Variants in AOAH observed in about 807,000 individuals in gnomAD.
The protein encoded by AOAH is acyloxyacyl hydrolase (neutrophil).
Under a neutral mutation model 92.2 loss-of-function variants are expected in AOAH, and 64 were observed. The ratio of observed to expected loss-of-function variants is 0.69; its 90% CI spans 0.57 to 0.86. AOAH has a LOEUF of 0.86. AOAH is among the 40% of genes least tolerant of loss of function. The pLI is 0.00. For synonymous variants in AOAH, 263 were observed against 254.5 expected, an observed-to-expected ratio of 1.03 and a Z score of -0.32; for missense variants, 656 against 694.6, an observed-to-expected ratio of 0.94 and a Z score of 0.62.
chr7:36,665,680 T>G (rs1795487552), intron 3 of AOAH, among the ~76,000 whole-genome samples: 1 of 152,144 alleles, frequency 6.6e-6, no homozygotes. Flanking sequence ...GTAGTCTTTT[T>G]GTAGATATTC....
At chr7:36,542,946 G>C (rs944361345) in intron 15 of AOAH, among the ~76,000 whole-genome samples, 10 of 152,106 alleles carry the variant, frequency 6.6e-5, no homozygotes, top group Non-Finnish European at 1.0e-4. Flanking sequence ...TAGAAAGATG[G>C]CTAAAAAGTA....
chr7:36,647,176 A>T (rs1256793675), intron 4 of AOAH, among the ~76,000 whole-genome samples: 1 of 152,254 alleles, frequency 6.6e-6, no homozygotes, highest in Non-Finnish European at 1.5e-5. Flanking sequence ...TTTTACAATT[A>T]TCGAATTACA....
chr7:36,625,180 G>T (rs1583974279), intron 6 of AOAH, among the ~76,000 whole-genome samples: 1 of 152,248 alleles, frequency 6.6e-6, no homozygotes, highest in East Asian at 1.9e-4. Context: ...GGGGAGGCTG[G>T]ATCCCTGAAA....
At position 36,522,112 on chromosome 7, in the gene AOAH, A is replaced by G. The variant is rs1784134929; in HGVS notation, c.1526T>C (p.Ile509Thr). 1 of 1,614,140 alleles carries G rather than the reference A, an allele frequency of 6.2e-7. No homozygotes were observed. Among genetic ancestry groups the G allele is most frequent in the Non-Finnish European group, 8.5e-7 (1 of 1,179,988 alleles). ...TCCGCCTCTCTTCTGCCACTCCTGTATGACTGCAGGGCACATAACGAGAGG... is the reference window on the plus strand; with the variant it reads ...TCCGCCTCTCTTCTGCCACTCCTGTGTGACTGCAGGGCACATAACGAGAGG... The part of the protein sequence containing the change: ...FYMDFAFHEI[I>T]QEWQKRGGQP... The change falls in exon 20 of 21, where the codon ATA becomes ACA. Residue 509 changes from isoleucine (I) to threonine (T), a missense_variant. Transcript: ENST00000617537.
intron 1 of AOAH, among the ~76,000 whole-genome samples, chr7:36,708,615 T>A (rs1027013506): frequency 6.6e-6 from 1 of 152,012 alleles, no homozygotes; most frequent in African/African-American, 2.4e-5. Context: ...TGTCTACTAA[T>A]TTTTTTTGTT....
At chr7:36,519,922 C>A (rs916133450) in intron 20 of AOAH, among the ~76,000 whole-genome samples, 5 of 152,230 alleles carry the variant, frequency 3.3e-5, no homozygotes, top group African/African-American at 1.2e-4. Context: ...CTGCACTTGA[C>A]ACTGGGTAGT....
In AOAH at chr7:36,623,185, C is replaced by T. The variant is rs753651026; in HGVS notation, c.582+5G>A. On this transcript the variant is annotated splice_donor_5th_base_variant and intron_variant, in intron 7 of 20. Coordinates refer to ENST00000617537, the MANE Select transcript of AOAH (RefSeq NM_001637.4). ...GAACATCTGGTTATTCCTAACAATA[C>T]TTACTGGGAAAACGCTGTATTTGTC... 5 of 1,612,748 alleles carry T rather than the reference C, an allele frequency of 3.1e-6. No individual in the cohort carries two copies. Among genetic ancestry groups the T allele is most frequent in the Middle Eastern group, 1.7e-4 (1 of 6,058 alleles).
rs376451697 is a variant in AOAH at position 36,594,320 on chromosome 7, G to C, written c.938+19C>G. ...ACACAGAGGTATTGAAATGTCTGAG[G>C]GTGCACAAAGACACTTACCCAACAG... is the stretch of plus-strand genomic sequence containing the variant. On this transcript the variant is annotated intron_variant, in intron 12 of 20. Transcript: ENST00000617537. 14 of 1,583,914 alleles carry C rather than the reference G, an allele frequency of 8.8e-6. No homozygotes were observed. The highest frequency in any genetic ancestry group is 1.2e-5 in the Non-Finnish European group (14 of 1,152,588).
chr7:36,631,245 G>A (rs965745556), intron 6 of AOAH, among the ~76,000 whole-genome samples: 7 of 152,002 alleles, frequency 4.6e-5, no homozygotes, highest in African/African-American at 1.7e-4. Context: ...TACTAGGGTG[G>A]CTGAGGCAGG....
At chr7:36,696,999 T>C (rs1269102716) in intron 1 of AOAH, among the ~76,000 whole-genome samples, 1 of 152,262 alleles carries the variant, frequency 6.6e-6, no homozygotes, top group Non-Finnish European at 1.5e-5. Context: ...AATACAGTTT[T>C]ACTTACTCCT....
chr7:36,633,013 G>A (rs2718189), intron 5 of AOAH, among the ~76,000 whole-genome samples: 92 of 152,360 alleles, frequency 6.0e-4, no homozygotes, highest in African/African-American at 2.1e-3. Context: ...CCGTGGAGTG[G>A]AGGGCAAGGG....
At chr7:36,515,408 A>G (rs1272277711) in intron 20 of AOAH, among the ~76,000 whole-genome samples, 2 of 99,608 alleles carry the variant, frequency 2.0e-5, no homozygotes, top group Non-Finnish European at 4.0e-5. Flanking sequence ...CCACACACAC[A>G]AACATCACAC....
In AOAH at chr7:36,532,165, C is replaced by CA; in HGVS notation, c.1406dup (p.Leu469PhefsTer23). The CA allele has an allele frequency of 6.2e-7, 1 of 1,614,206 alleles. No homozygotes were observed. The highest frequency in any genetic ancestry group is 1.1e-5 in the South Asian group (1 of 91,088). On this transcript the variant is annotated frameshift_variant, in exon 18 of 21. Transcript: ENST00000617537. LOFTEE classifies it high-confidence loss of function. ...GTCATACCTCTGAAGTGAGAGTCCG[C>CA]AACGTCTTGTTGGAAGACATCCAGC...
intron 11 of AOAH, among the ~76,000 whole-genome samples, chr7:36,608,762 C>T (rs973357065): frequency 6.6e-6 from 1 of 152,156 alleles, no homozygotes; most frequent in Admixed American, 6.5e-5. Flanking sequence ...GGTGGCCAGA[C>T]ATCCAGACTT....
At position 36,625,329 on chromosome 7, in the gene AOAH, C is replaced by T. The variant is rs536748816; in HGVS notation, c.522-2079G>A. ...CAGTTGGAGTCACTGCTCCATCCAC[C>T]GCTTCCTCACCAGCTCGGCAATTCT... On this transcript the variant is annotated intron_variant, in intron 6 of 20. Coordinates refer to ENST00000617537, the MANE Select transcript of AOAH (RefSeq NM_001637.4). Among the ~76,000 whole-genome samples, 8 of 152,298 alleles carry T rather than the reference C, an allele frequency of 5.3e-5. No individual in the cohort carries two copies. In the South Asian group the frequency reaches 1.5e-3, roughly 28 times the overall value.
intron 11 of AOAH, among the ~76,000 whole-genome samples, chr7:36,604,373 A>G (rs761234319): frequency 3.0e-4 from 46 of 152,226 alleles, no homozygotes; most frequent in Non-Finnish European, 5.7e-4. Context: ...TAGACTTTAC[A>G]TTTTTTGAGG....
intron 13 of AOAH, among the ~76,000 whole-genome samples, chr7:36,555,696 T>A (rs1424071846): frequency 1.3e-5 from 2 of 152,350 alleles, no homozygotes; most frequent in African/African-American, 4.8e-5. Flanking sequence ...ATTCAACTTC[T>A]TCCTGGTTTA....
chr7:36,593,184 A>C (rs1789868197), intron 12 of AOAH, among the ~76,000 whole-genome samples: 1 of 152,194 alleles, frequency 6.6e-6, no homozygotes, highest in African/African-American at 2.4e-5. Flanking sequence ...CATCTGCCTT[A>C]ATTGCAATTG....
At chr7:36,683,020 C>G (rs545499764) in intron 2 of AOAH, among the ~76,000 whole-genome samples, 10 of 152,250 alleles carry the variant, frequency 6.6e-5, no homozygotes, top group South Asian at 4.2e-4. Flanking sequence ...TACACAACAG[C>G]TGGCACCAAA....
Sources: allele counts gnomAD v4.1 joint callset (sites outside exome capture counted in the v4.1 genomes callset), GRCh38; gene constraint gnomAD v4.1.1; transcripts MANE v1.5; gene names NCBI Gene and HGNC (gene_info 2026-07-23, HGNC 2026-07-21).